Variants in SLC12A1 observed in about 807,000 individuals in gnomAD.
SLC12A1 encodes the protein solute carrier family 12 member 1, also known as Na-K-2Cl cotransporter.
Under a neutral mutation model 130.4 loss-of-function variants are expected in SLC12A1, and 89 were observed. The observed-to-expected ratio is 0.68, with a 90% CI of 0.58 to 0.81. The LOEUF (loss-of-function observed/expected upper bound fraction) is 0.81. SLC12A1 is among the 40% of genes least tolerant of loss of function. SLC12A1 has a pLI of 0.00. For synonymous variants in SLC12A1, 499 were observed against 460.0 expected (o/e 1.08, Z -1.09); for missense variants, 1,310 against 1,336.4 (o/e 0.98, Z 0.31).
chr15:48,267,832 T>C, intron 18 of SLC12A1, 131 bp downstream of exon 18: 1 of 940,384 alleles, frequency 1.1e-6, no homozygotes. Context: ...GTTAAGGGAT[T>C]ATTTTGAATT....
intron 2 of SLC12A1, 122 bp from the exon 3 acceptor site, chr15:48,220,512 T>C (rs1217364695): frequency 1.1e-6 from 1 of 943,632 alleles, no homozygotes; most frequent in East Asian, 2.7e-5. Flanking sequence ...AGAATATATT[T>C]AGTTTGGGGG....
chr15:48,280,096 C>T (rs947727392), intron 20 of SLC12A1, among the ~76,000 whole-genome samples: 7 of 151,020 alleles, frequency 4.6e-5, no homozygotes, highest in Non-Finnish European at 7.4e-5. Flanking sequence ...AGATAATTAA[C>T]GACTCTCTAT....
intron 24 of SLC12A1, among the ~76,000 whole-genome samples, chr15:48,298,851 A>C (rs1597463429): frequency 6.6e-6 from 1 of 152,356 alleles, no homozygotes; most frequent in South Asian, 2.1e-4. Flanking sequence ...ACCTATGTGT[A>C]TATGTGTTAA....
chr15:48,211,219 T>C (rs375461668), intron 2 of SLC12A1, among the ~76,000 whole-genome samples: 15 of 152,340 alleles, frequency 9.8e-5, no homozygotes, highest in East Asian at 5.8e-4. Flanking sequence ...CCACAGAATC[T>C]ACAATGTGCA....
chr15:48,260,685 C>G (rs1262073949), intron 17 of SLC12A1, among the ~76,000 whole-genome samples: 1 of 152,168 alleles, frequency 6.6e-6, no homozygotes, highest in Non-Finnish European at 1.5e-5. Context: ...AGCACACTTG[C>G]ATCCTTGGGA....
At chr15:48,285,073 A>T in intron 20 of SLC12A1, 33 bp from the exon 21 acceptor site, 1 of 1,512,442 alleles carries the variant, frequency 6.6e-7, no homozygotes, top group Non-Finnish European at 8.9e-7. Flanking sequence ...TGTAGTTCTG[A>T]GTTAAGTAGG....
chr15:48,222,172 T>C (rs1480321071), intron 4 of SLC12A1, among the ~76,000 whole-genome samples: 1 of 152,210 alleles, frequency 6.6e-6, no homozygotes, highest in Non-Finnish European at 1.5e-5. Flanking sequence ...TGCCAAGGTT[T>C]TGCTCCAGGG....
chr15:48,265,783 A>C (rs758488866), intron 17 of SLC12A1, among the ~76,000 whole-genome samples: 12 of 152,246 alleles, frequency 7.9e-5, no homozygotes, highest in Non-Finnish European at 1.8e-4. Context: ...TAGAATATTA[A>C]AATGGAAGGG....
intron 6 of SLC12A1, among the ~76,000 whole-genome samples, chr15:48,229,998 ATAGGACACCACTTAACT>A (rs1203515097): frequency 6.6e-6 from 1 of 152,242 alleles, no homozygotes; most frequent in Non-Finnish European, 1.5e-5. Flanking sequence ...CTGGTCTTAC[ATAGGACACCACTTAACT>A]TTCAGGATTT....
intron 10 of SLC12A1, among the ~76,000 whole-genome samples, chr15:48,241,842 A>C (rs1055535633): frequency 6.6e-6 from 1 of 152,214 alleles, no homozygotes. Context: ...ATTCTACCTG[A>C]ACACAAAGAG....
At chr15:48,232,860 C>T (rs774983422) in intron 8 of SLC12A1, 22 bp downstream of exon 8, 9 of 1,440,228 alleles carry the variant, frequency 6.2e-6, no homozygotes, top group Middle Eastern at 1.7e-4. Flanking sequence ...AAATTGGTTG[C>T]TTTTCATTAA....
At chr15:48,296,429 T>C (rs1223468785) in intron 24 of SLC12A1, among the ~76,000 whole-genome samples, 1 of 152,224 alleles carries the variant, frequency 6.6e-6, no homozygotes, top group East Asian at 1.9e-4. Flanking sequence ...GCTTAAATTC[T>C]ATTTTTTATT....
intron 2 of SLC12A1, among the ~76,000 whole-genome samples, chr15:48,215,353 A>G (rs2041108836): frequency 6.6e-6 from 1 of 152,216 alleles, no homozygotes; most frequent in African/African-American, 2.4e-5. Context: ...TTTTAAACAT[A>G]CTTTATTTTA....
At chr15:48,288,242 A>C in intron 22 of SLC12A1, 68 bp downstream of exon 22, 2 of 1,467,802 alleles carry the variant, frequency 1.4e-6, no homozygotes, top group Non-Finnish European at 1.9e-6. Flanking sequence ...CTGCATGAGA[A>C]GGTATATGGG....
rs2042124030 is a variant in SLC12A1, at chr15:48,291,788, C to T, written c.2884C>T (p.Leu962Phe). ...CTTTTATATTTTCAGAATGGCTTCC[C>T]TTCTGAGCAAATTTAGGATAAAATT... is the stretch of plus-strand genomic sequence containing the variant. ...IEEEKIVMAS[L>F]LSKFRIKFAD... Residue 962 changes from leucine (L) to phenylalanine (F), a missense_variant, in exon 24 of 27, where the codon CTT becomes TTT. Physicochemically the swap from Leu to Phe is conservative, Grantham distance 22 (BLOSUM62 0). Coordinates refer to ENST00000380993, the MANE Select transcript of SLC12A1 (RefSeq NM_000338.3). The T allele has an allele frequency of 5.8e-6, 9 of 1,556,418 alleles. No homozygotes were observed. Among genetic ancestry groups the T allele is most frequent in the East Asian group, 4.7e-5 (2 of 42,344 alleles).
chr15:48,249,387 T>C (rs1049606362), intron 13 of SLC12A1, among the ~76,000 whole-genome samples, 188 bp from the exon 14 acceptor site: 1 of 152,198 alleles, frequency 6.6e-6, no homozygotes, highest in Admixed American at 6.5e-5. Context: ...TTTTATTACT[T>C]ACTTTATGGA....
At chr15:48,221,110 G>T (rs1416285432) in intron 4 of SLC12A1, 114 bp downstream of exon 4, 2 of 1,009,698 alleles carry the variant, frequency 2.0e-6, no homozygotes, top group African/African-American at 3.2e-5. Flanking sequence ...ATAATTTACA[G>T]TTGGGCTCCT....
chr15:48,286,578 G>A (rs1438480525), intron 21 of SLC12A1, among the ~76,000 whole-genome samples: 1 of 152,234 alleles, frequency 6.6e-6, no homozygotes, highest in Non-Finnish European at 1.5e-5. Flanking sequence ...CAACTAGAGA[G>A]AGGGAAGCAT....
chr15:48,260,656 G>A (rs1258076746), intron 17 of SLC12A1, among the ~76,000 whole-genome samples: 3 of 152,098 alleles, frequency 2.0e-5, no homozygotes, highest in Non-Finnish European at 4.4e-5. Flanking sequence ...TAAGTGTCAC[G>A]CCTTGAGGAG....
Sources: allele counts gnomAD v4.1 joint callset (sites outside exome capture counted in the v4.1 genomes callset), GRCh38; gene constraint gnomAD v4.1.1; transcripts MANE v1.5; gene names NCBI Gene and HGNC (gene_info 2026-07-23, HGNC 2026-07-21).